Variants in NSG2 observed in about 807,000 individuals in gnomAD.
NSG2 encodes the protein neuronal vesicle trafficking associated 2, also known as neuronal vesicle trafficking-associated protein 2.
Under a neutral mutation model 16.9 loss-of-function variants are expected in NSG2, and 4 were observed. That is an observed-to-expected ratio of 0.24 (90% confidence interval 0.12 to 0.54). NSG2 has a LOEUF of 0.54. NSG2 is among the 20% of genes least tolerant of loss of function. The probability of loss-of-function intolerance (pLI) is 0.95; values close to 1 mark genes in which losing one functional copy is unlikely to be tolerated. For missense variants in NSG2, 179 were observed against 221.1 expected, an observed-to-expected ratio of 0.81 and a Z score of 1.21; for synonymous variants, 98 against 88.7, an observed-to-expected ratio of 1.11 and a Z score of -0.59.
At chr5:174,050,405 G>A (rs1297219213) in intron 2 of NSG2, among the ~76,000 whole-genome samples, 1 of 152,086 alleles carries the variant, frequency 6.6e-6, no homozygotes, top group Non-Finnish European at 1.5e-5. Flanking sequence ...GCCAGGGAGG[G>A]GACTATGCAG....
chr5:174,047,794 G>C (rs186656834), intron 2 of NSG2, among the ~76,000 whole-genome samples: 34 of 152,324 alleles, frequency 2.2e-4, no homozygotes, highest in African/African-American at 7.7e-4. Context: ...ATCATTTCAG[G>C]TCCACCTGAG....
intron 3 of NSG2, among the ~76,000 whole-genome samples, chr5:174,080,495 C>CCCTCTTTCTTTCTTTT (rs1561668540): frequency 1.3e-5 from 2 of 148,844 alleles, no homozygotes; most frequent in African/African-American, 5.0e-5. Flanking sequence ...TTCTTTCTTT[C>CCCTCTTTCTTTCTTTT]CCTCTTTCTT....
At chr5:174,071,419 G>A (rs1022756437) in intron 3 of NSG2, among the ~76,000 whole-genome samples, 4 of 152,192 alleles carry the variant, frequency 2.6e-5, no homozygotes, top group African/African-American at 7.2e-5. Context: ...CCCGAGAGGT[G>A]CGGCTTGCAG....
At chr5:174,106,356 G>GAA (rs1189238667) in intron 4 of NSG2, among the ~76,000 whole-genome samples, 2 of 152,094 alleles carry the variant, frequency 1.3e-5, no homozygotes, top group Admixed American at 6.5e-5. Flanking sequence ...AACGTGCAAA[G>GAA]AAAATAAATA....
chr5:174,051,873 G>A (rs1437735337), intron 2 of NSG2, among the ~76,000 whole-genome samples: 1 of 152,250 alleles, frequency 6.6e-6, no homozygotes, highest in African/African-American at 2.4e-5. Flanking sequence ...GCCTAACTGA[G>A]CCCTCAGAAG....
intron 1 of NSG2, 120 bp from the exon 2 acceptor site, chr5:174,046,614 G>A (rs1759803773): frequency 6.5e-6 from 5 of 775,068 alleles, no homozygotes; most frequent in Non-Finnish European, 1.0e-5. Context: ...ATCAATGACT[G>A]ATCACTAGAT....
intron 2 of NSG2, among the ~76,000 whole-genome samples, chr5:174,055,271 A>C (rs964676916): frequency 9.2e-5 from 14 of 152,156 alleles, no homozygotes; most frequent in Non-Finnish European, 1.6e-4. Context: ...AGAGCACCTC[A>C]TCTTGCCCCA....
intron 4 of NSG2, among the ~76,000 whole-genome samples, chr5:174,105,150 C>T (rs1760956666): frequency 6.6e-6 from 1 of 152,152 alleles, no homozygotes; most frequent in South Asian, 2.1e-4. Flanking sequence ...TTCTTTGGCT[C>T]CCATTTCACA....
chr5:174,046,690 T>C (rs1759804921), intron 1 of NSG2, 44 bp from the exon 2 acceptor site: 1 of 1,599,676 alleles, frequency 6.3e-7, no homozygotes, highest in African/African-American at 1.3e-5. Context: ...CCTCTCTTTC[T>C]GCCTCACCTC....
At chr5:174,088,566 G>A (rs1760669968) in intron 3 of NSG2, among the ~76,000 whole-genome samples, 1 of 152,136 alleles carries the variant, frequency 6.6e-6, no homozygotes, top group Non-Finnish European at 1.5e-5. Flanking sequence ...AGTCTGTTTG[G>A]CATGAAAAAA....
intron 1 of NSG2, 80 bp from the exon 2 acceptor site, chr5:174,046,654 A>G (rs1759804392): frequency 1.5e-6 from 2 of 1,298,250 alleles, no homozygotes; most frequent in Admixed American, 1.8e-5. Flanking sequence ...GCTGTTGAGG[A>G]CAGTGCTATT....
At chr5:174,060,845 G>A (rs1434279685) in intron 2 of NSG2, among the ~76,000 whole-genome samples, 1 of 152,184 alleles carries the variant, frequency 6.6e-6, no homozygotes, top group African/African-American at 2.4e-5. Context: ...CAGCATGTCA[G>A]TTTAATTCTT....
At chr5:174,062,595 A>G (rs1760070621) in intron 2 of NSG2, 1 of 152,136 alleles carries the variant, frequency 6.6e-6, no homozygotes, top group Admixed American at 6.5e-5. Context: ...ACAGATTGCA[A>G]AGAGGGCAGG....
intron 2 of NSG2, among the ~76,000 whole-genome samples, chr5:174,052,266 C>G (rs1759901024): frequency 6.6e-6 from 1 of 152,104 alleles, no homozygotes; most frequent in South Asian, 2.1e-4. Context: ...GCCACTACTA[C>G]ATTCAGGGAG....
At chr5:174,054,962 A>C (rs562385218) in intron 2 of NSG2, among the ~76,000 whole-genome samples, 1 of 152,238 alleles carries the variant, frequency 6.6e-6, no homozygotes, top group African/African-American at 2.4e-5. Context: ...AGGAAAATAC[A>C]TAGCAAATGT....
rs149886307 is a variant in NSG2 at position 174,079,360 on chromosome 5, C to T, written c.213+15045C>T. Among the ~76,000 whole-genome samples the T allele has an allele frequency of 8.8e-3, 1,345 of 152,036 alleles. 18 individuals are homozygous for T. The highest frequency in any genetic ancestry group is 0.063 in the East Asian group (324 of 5,168). ...GCAACCTCTGCCTCCCGGGCTCAAG[C>T]GATTCTCCTGCCTCAGCTTCCTGAG... On this transcript the variant is annotated intron_variant, in intron 3 of 4. Coordinates refer to ENST00000303177, the MANE Select transcript of NSG2 (RefSeq NM_015980.5).
intron 3 of NSG2, among the ~76,000 whole-genome samples, chr5:174,068,263 G>A (rs1223569278): frequency 6.6e-6 from 1 of 152,208 alleles, no homozygotes; most frequent in Non-Finnish European, 1.5e-5. Context: ...GAAGGGAGCA[G>A]GGTGGGGAGA....
intron 2 of NSG2, among the ~76,000 whole-genome samples, chr5:174,051,518 C>T (rs1487608613): frequency 5.9e-5 from 9 of 152,224 alleles, no homozygotes; most frequent in East Asian, 3.9e-4. Flanking sequence ...TTCATTCATT[C>T]GTCGTCCATC....
At chr5:174,077,992 T>C (rs547098753) in intron 3 of NSG2, among the ~76,000 whole-genome samples, 1 of 152,230 alleles carries the variant, frequency 6.6e-6, no homozygotes, top group Non-Finnish European at 1.5e-5. Context: ...GTTGTCTACA[T>C]CTGTGCTGTC....
Sources: allele counts gnomAD v4.1 joint callset (sites outside exome capture counted in the v4.1 genomes callset), GRCh38; gene constraint gnomAD v4.1.1; transcripts MANE v1.5; gene names NCBI Gene and HGNC (gene_info 2026-07-23, HGNC 2026-07-21).